CSN1S1: variants seen among roughly 807,000 people sequenced by gnomAD.
The protein encoded by CSN1S1 is casein alpha s1.
In CSN1S1, 63 loss-of-function variants were observed where a neutral mutation model predicts 49.1. That is an observed-to-expected ratio of 1.28 (90% CI 1.05 to 1.58). CSN1S1 has a LOEUF of 1.58. Ranked by LOEUF, CSN1S1 falls within the 40% of genes most tolerant of loss-of-function variation. The probability of loss-of-function intolerance (pLI) is 0.00; values close to 1 mark genes in which losing one functional copy is unlikely to be tolerated. For synonymous variants in CSN1S1, 78 were observed against 67.1 expected (o/e 1.16, Z -0.79); for missense variants, 260 against 224.7 (o/e 1.16, Z -1.01).
chr4:69,942,192 T>C, intron 13 of CSN1S1, 129 bp downstream of exon 13: 2 of 604,208 alleles, frequency 3.3e-6, no homozygotes, highest in Non-Finnish European at 5.4e-6. Flanking sequence ...CTGATAATAT[T>C]TTACTTAAAA....
chr4:69,937,394 G>C (rs1347530540), intron 8 of CSN1S1, among the ~76,000 whole-genome samples: 1 of 147,326 alleles, frequency 6.8e-6, no homozygotes, highest in East Asian at 2.0e-4. Flanking sequence ...AAACATACTA[G>C]ATGGAGCAAG....
intron 10 of CSN1S1, among the ~76,000 whole-genome samples, chr4:69,939,480 C>G (rs185733383): frequency 6.6e-6 from 1 of 151,680 alleles, no homozygotes; most frequent in African/African-American, 2.4e-5. Flanking sequence ...CTTTGTCCTT[C>G]GCAGATTTTG....
intron 9 of CSN1S1, among the ~76,000 whole-genome samples, chr4:69,938,067 A>G (rs950720977): frequency 2.0e-5 from 3 of 152,044 alleles, no homozygotes; most frequent in African/African-American, 4.8e-5. Context: ...TGGAAGACGG[A>G]ATTTAAGCCA....
chr4:69,934,950 T>C (rs780085296), intron 4 of CSN1S1, among the ~76,000 whole-genome samples: 1 of 152,110 alleles, frequency 6.6e-6, no homozygotes, highest in Admixed American at 6.6e-5. Flanking sequence ...AAGGAACTAA[T>C]TAAGGTGTAG....
chr4:69,936,380 A>G, intron 5 of CSN1S1, 76 bp from the exon 6 acceptor site: 1 of 1,090,178 alleles, frequency 9.2e-7, no homozygotes. Flanking sequence ...GATGTGAAGT[A>G]CAGTTTCTCA....
intron 13 of CSN1S1, among the ~76,000 whole-genome samples, chr4:69,942,292 TCA>T (rs1366905591): frequency 6.6e-6 from 1 of 151,988 alleles, no homozygotes; most frequent in Admixed American, 6.6e-5. Flanking sequence ...TTATTTTTCC[TCA>T]GAGTATGAAC....
chr4:69,941,972 G>A, intron 12 of CSN1S1, 74 bp from the exon 13 acceptor site: 1 of 919,160 alleles, frequency 1.1e-6, no homozygotes, highest in Non-Finnish European at 1.6e-6. Context: ...ACAAATGAAG[G>A]TACCCAGCAA....
At chr4:69,939,429 C>T (rs1722905311) in intron 10 of CSN1S1, among the ~76,000 whole-genome samples, 1 of 151,740 alleles carries the variant, frequency 6.6e-6, no homozygotes, top group Admixed American at 6.6e-5. Flanking sequence ...ACAATCTTAT[C>T]TGGCCATCTG....
Position 69,945,842 on chromosome 4 carries a change from A to G in CSN1S1, c.*-354A>G, listed in dbSNP as rs955889831. On this transcript the variant is annotated intron_variant, in intron 15 of 15. Coordinates refer to ENST00000246891, the MANE Select transcript of CSN1S1 (RefSeq NM_001890.2). ...TTTCACCACTACATTGGAGCTTCCAATTGTGTGTTTGTGTGTGTGTGTTTC... is the reference window on the plus strand; with the variant it reads ...TTTCACCACTACATTGGAGCTTCCAGTTGTGTGTTTGTGTGTGTGTGTTTC... Among the ~76,000 whole-genome samples, 3 of 96,060 alleles carry G rather than the reference A, an allele frequency of 3.1e-5. 1 individual carries two copies. The East Asian group carries it at 1.0e-3, about 33-fold the overall frequency. 63.0% of individuals were successfully genotyped at this position (96,060 alleles called of 152,430 possible).
intron 9 of CSN1S1, among the ~76,000 whole-genome samples, chr4:69,938,804 A>G (rs777513881): frequency 2.6e-5 from 4 of 151,762 alleles, no homozygotes; most frequent in Non-Finnish European, 5.9e-5. Context: ...ACAGATGAGA[A>G]CAGATGTTTA....
In CSN1S1 at chr4:69,939,882, G is replaced by A. The variant is rs1430652075; in HGVS notation, c.277-139G>A. The stretch of plus-strand genomic sequence containing the variant: ...ATATGTGGTTCAAATTATTAATCTT[G>A]TCTCAGTTTTTTGGGAATTTATCAC... On this transcript the variant is annotated intron_variant, in intron 10 of 15. Coordinates refer to ENST00000246891, the MANE Select transcript of CSN1S1 (RefSeq NM_001890.2). 3 of 540,190 alleles carry A rather than the reference G, an allele frequency of 5.6e-6. No homozygotes were observed. In the African/African-American group the frequency reaches 6.0e-5, roughly 11 times the overall value. 33.5% of individuals were successfully genotyped at this position (540,190 alleles called of 1,614,324 possible).
At position 69,936,730 on chromosome 4, in the gene CSN1S1, C is replaced by A; in HGVS notation, c.195+123C>A. ...TTGTCCTTTCCTTGAACTTTTCACT[C>A]ATACATTTGTAGTGACTAATGGAGT... On this transcript the variant is annotated intron_variant, in intron 7 of 15. Transcript: ENST00000246891. 4 of 852,668 alleles carry A rather than the reference C, an allele frequency of 4.7e-6. No homozygotes were observed. In the South Asian group the frequency reaches 5.5e-5, roughly 12 times the overall value. 52.8% of individuals were successfully genotyped at this position (852,668 alleles called of 1,614,324 possible).
At chr4:69,940,282 C>T (rs1377177082) in intron 11 of CSN1S1, among the ~76,000 whole-genome samples, 4 of 151,646 alleles carry the variant, frequency 2.6e-5, no homozygotes, top group African/African-American at 9.7e-5. Flanking sequence ...ATCTGCTAGA[C>T]TTTATTGTAA....
intron 3 of CSN1S1, 23 bp from the exon 4 acceptor site, chr4:69,934,667 T>C: frequency 1.3e-6 from 2 of 1,599,242 alleles, no homozygotes; most frequent in East Asian, 2.2e-5. Context: ...ATAATACCAT[T>C]TAAAAATTAT....
intron 4 of CSN1S1, among the ~76,000 whole-genome samples, chr4:69,935,333 A>T (rs1722738363): frequency 6.6e-6 from 1 of 151,648 alleles, no homozygotes; most frequent in Admixed American, 6.6e-5. Flanking sequence ...GAGCCCAGGA[A>T]TTCGAGATGA....
Position 69,934,717 on chromosome 4 carries a change from T to A in CSN1S1, c.105+7T>A. 1 of 1,608,782 alleles carries A rather than the reference T, an allele frequency of 6.2e-7. No individual in the cohort carries two copies. Among genetic ancestry groups the A allele is most frequent in the Non-Finnish European group, 8.5e-7 (1 of 1,176,078 alleles). Reference sequence around the variant, plus strand: ...TCCATCAGAGAGCAGTGAGGTAAGCTCTGTTTATGGGGAGTCAGGATTCTC... The same window carrying A: ...TCCATCAGAGAGCAGTGAGGTAAGCACTGTTTATGGGGAGTCAGGATTCTC... On this transcript the variant is annotated splice_region_variant and intron_variant, in intron 4 of 15. Transcript: ENST00000246891.
chr4:69,939,449 A>G (rs530678031), intron 10 of CSN1S1, among the ~76,000 whole-genome samples: 2 of 151,894 alleles, frequency 1.3e-5, no homozygotes, highest in South Asian at 2.1e-4. Context: ...GTGATGTCCA[A>G]ATTATTTTTT....
intron 10 of CSN1S1, among the ~76,000 whole-genome samples, chr4:69,939,635 CCT>C (rs1313063435): frequency 6.6e-6 from 1 of 151,588 alleles, no homozygotes; most frequent in Non-Finnish European, 1.5e-5. Context: ...CACTCTTTGC[CCT>C]GTGTTAATCT....
At chr4:69,938,955 G>A (rs1722891332) in intron 9 of CSN1S1, among the ~76,000 whole-genome samples, 1 of 151,550 alleles carries the variant, frequency 6.6e-6, no homozygotes, top group Non-Finnish European at 1.5e-5. Flanking sequence ...TTGTTTTTAA[G>A]TTTTTATGTT....
Sources: gnomAD v4.1 joint callset for allele counts (sites outside exome capture counted in the v4.1 genomes callset) on GRCh38, gnomAD v4.1.1 for gene constraint, MANE v1.5 for transcripts, NCBI Gene and HGNC (gene_info 2026-07-23, HGNC 2026-07-21) for gene names.